The following NPAS3 variants were observed in gnomAD, a reference collection of about 807,000 sequenced individuals.
NPAS3 encodes neuronal PAS domain protein 3, also known as neuronal PAS domain-containing protein 3.
NPAS3 carries 14 observed loss-of-function variants against 73.1 expected under a neutral mutation model. The observed-to-expected ratio is 0.19, with a 90% CI of 0.13 to 0.30. The LOEUF is 0.30. NPAS3 is among the 10% of genes least tolerant of loss of function. The pLI, the probability that NPAS3 is intolerant of heterozygous loss-of-function variation, is 1.00. For missense variants in NPAS3, 1,096 were observed against 1,250.0 expected (o/e 0.88, Z 1.86); for synonymous variants, 620 against 541.5 (o/e 1.14, Z -2.01).
At chr14:33,650,741 CCTCTCTCTCTCT>C (rs10658218) in intron 5 of NPAS3, among the ~76,000 whole-genome samples, 1 of 148,328 alleles carries the variant, frequency 6.7e-6, no homozygotes, top group African/African-American at 2.5e-5. Flanking sequence ...AAAATCTTTT[CCTCTCTCTCTCT>C]CTCTCTCTCT....
intron 5 of NPAS3, among the ~76,000 whole-genome samples, chr14:33,592,421 G>A (rs1028821788): frequency 1.3e-5 from 2 of 152,160 alleles, no homozygotes; most frequent in African/African-American, 2.4e-5. Flanking sequence ...TTTAAGAGGC[G>A]AAGCAGAGCC....
intron 2 of NPAS3, among the ~76,000 whole-genome samples, chr14:33,164,924 G>A (rs942602521): frequency 1.3e-5 from 2 of 151,186 alleles, no homozygotes; most frequent in African/African-American, 4.9e-5. Context: ...CCCTTTTCAT[G>A]GTTATCCCAT....
intron 4 of NPAS3, among the ~76,000 whole-genome samples, chr14:33,459,662 C>A (rs965102736): frequency 6.6e-6 from 1 of 152,138 alleles, no homozygotes; most frequent in Admixed American, 6.5e-5. Flanking sequence ...AAATGATATA[C>A]AAAAGTTGAT....
chr14:33,185,531 C>T (rs2045947473), intron 2 of NPAS3, among the ~76,000 whole-genome samples: 2 of 152,160 alleles, frequency 1.3e-5, no homozygotes. Context: ...TGGAGTTAAT[C>T]TGGCATTATC....
chr14:33,669,626 T>G (rs2059554207), intron 5 of NPAS3, among the ~76,000 whole-genome samples: 1 of 152,222 alleles, frequency 6.6e-6, no homozygotes, highest in Non-Finnish European at 1.5e-5. Flanking sequence ...GGGGGAGATC[T>G]TCAAAGAGTT....
intron 2 of NPAS3, among the ~76,000 whole-genome samples, chr14:33,066,251 C>A (rs564674881): frequency 2.8e-4 from 42 of 152,216 alleles, no homozygotes; most frequent in African/African-American, 9.6e-4. Context: ...TGGCACCACC[C>A]TTTTAAAAGG....
intron 3 of NPAS3, among the ~76,000 whole-genome samples, chr14:33,223,308 T>C (rs893673373): frequency 4.6e-5 from 7 of 152,098 alleles, no homozygotes; most frequent in South Asian, 2.1e-4. Flanking sequence ...TGAGACTCCA[T>C]GTCAAAAGCA....
intron 5 of NPAS3, among the ~76,000 whole-genome samples, chr14:33,593,413 T>A (rs1421577936): frequency 6.6e-6 from 1 of 152,180 alleles, no homozygotes; most frequent in Non-Finnish European, 1.5e-5. Flanking sequence ...GCTGAGCACA[T>A]GTTTTCAAAT....
chr14:33,197,241 G>GTA (rs2046393113), intron 2 of NPAS3, among the ~76,000 whole-genome samples: 1 of 142,020 alleles, frequency 7.0e-6, no homozygotes, highest in Non-Finnish European at 1.5e-5. Flanking sequence ...AGCAGGCTGT[G>GTA]TGTGTGTGTG....
At chr14:33,640,726 G>A (rs1201286162) in intron 5 of NPAS3, among the ~76,000 whole-genome samples, 2 of 152,212 alleles carry the variant, frequency 1.3e-5, no homozygotes, top group Non-Finnish European at 2.9e-5. Context: ...CAAGTATATT[G>A]ACAGGGAAAT....
chr14:33,364,582 G>A (rs958987484), intron 3 of NPAS3, among the ~76,000 whole-genome samples: 1 of 152,140 alleles, frequency 6.6e-6, no homozygotes, highest in South Asian at 2.1e-4. Flanking sequence ...GAAACTACTT[G>A]CAAGATACTT....
intron 1 of NPAS3, among the ~76,000 whole-genome samples, chr14:32,959,933 G>T (rs1439176070): frequency 6.6e-6 from 1 of 151,454 alleles, no homozygotes; most frequent in Non-Finnish European, 1.5e-5. Context: ...TGAATGCTAC[G>T]TAAGAGACAC....
chr14:33,283,914 C>T (rs1469270225), intron 3 of NPAS3, among the ~76,000 whole-genome samples: 1 of 152,134 alleles, frequency 6.6e-6, no homozygotes, highest in Non-Finnish European at 1.5e-5. Flanking sequence ...CCCGTAAACC[C>T]TGTGAGGATC....
chr14:33,731,040 A>T (rs1315570853), intron 6 of NPAS3, among the ~76,000 whole-genome samples: 1 of 152,128 alleles, frequency 6.6e-6, no homozygotes, highest in Non-Finnish European at 1.5e-5. Context: ...CATTTCTCAA[A>T]ACTTTTTTTT....
At chr14:33,228,225 G>A (rs2047710320) in intron 3 of NPAS3, among the ~76,000 whole-genome samples, 1 of 152,108 alleles carries the variant, frequency 6.6e-6, no homozygotes, top group Non-Finnish European at 1.5e-5. Context: ...AGTTTTTTGG[G>A]GGAATTCTAG....
chr14:33,166,021 C>G (rs1315208227), intron 2 of NPAS3, among the ~76,000 whole-genome samples: 2 of 152,150 alleles, frequency 1.3e-5, no homozygotes, highest in African/African-American at 4.8e-5. Flanking sequence ...TAGGTACCAG[C>G]CCCATGAGGA....
rs2063659000 is a variant in NPAS3 at position 33,800,318 on chromosome 14, C to T, written c.2011C>T (p.Arg671Trp). The change falls in exon 12 of 12, where the codon CGG becomes TGG. Residue 671 changes from arginine (R) to tryptophan (W), a missense_variant. Coordinates refer to ENST00000356141, the Ensembl canonical transcript of NPAS3. The surrounding 1 kb of genome is among the most constrained non-coding windows in gnomAD (Gnocchi z 6.5). Reference sequence around the variant, plus strand: ...CAGCATCTGGAACTACCCGCCCAACCGGGAGATCTCCAGGAACGAGTCCCC... The same window carrying T: ...CAGCATCTGGAACTACCCGCCCAACTGGGAGATCTCCAGGAACGAGTCCCC... The T allele has an allele frequency of 1.2e-6, 2 of 1,613,328 alleles. No individual in the cohort carries two copies. Among genetic ancestry groups the T allele is most frequent in the Non-Finnish European group, 1.7e-6 (2 of 1,179,576 alleles).
chr14:33,532,553 G>T (rs184677672), intron 4 of NPAS3, among the ~76,000 whole-genome samples: 26 of 152,054 alleles, frequency 1.7e-4, no homozygotes, highest in African/African-American at 6.0e-4. Context: ...AAGCTCATAG[G>T]GCTCATAAAT....
chr14:33,066,599 T>C (rs1240912862), intron 2 of NPAS3, among the ~76,000 whole-genome samples: 2 of 152,172 alleles, frequency 1.3e-5, no homozygotes, highest in Admixed American at 6.5e-5. Flanking sequence ...AATACCTTTA[T>C]TGGGTCTGTT....
Sources: gnomAD v4.1 joint callset for allele counts (sites outside exome capture counted in the v4.1 genomes callset) on GRCh38, gnomAD v4.1.1 for gene constraint, Gnocchi (gnomAD v3.1) non-coding constraint, MANE v1.5 for transcripts, NCBI Gene and HGNC (gene_info 2026-07-23, HGNC 2026-07-21) for gene names.